ARMC3: variants seen among roughly 807,000 people sequenced by gnomAD.
ARMC3 encodes the protein armadillo repeat containing 3.
A neutral mutation model predicts 90.3 loss-of-function variants in ARMC3; 74 were observed. The ratio of observed to expected loss-of-function variants is 0.82; its 90% CI spans 0.68 to 0.99. The LOEUF (loss-of-function observed/expected upper bound fraction) is 0.99. Ranked by LOEUF, ARMC3 falls within the 50% of genes least tolerant of loss-of-function variation. The pLI, the probability that ARMC3 is intolerant of heterozygous loss-of-function variation, is 0.00. For missense variants in ARMC3, 958 were observed against 1,042.8 expected (o/e 0.92, Z 1.12); for synonymous variants, 334 against 361.8 (o/e 0.92, Z 0.87).
intron 16 of ARMC3, among the ~76,000 whole-genome samples, chr10:23,015,410 C>CA (rs989002480): frequency 6.6e-6 from 1 of 152,196 alleles, no homozygotes; most frequent in African/African-American, 2.4e-5. Flanking sequence ...TTATAGAGAA[C>CA]ATTTGAATGT....
intron 6 of ARMC3, chr10:22,960,723 A>G (rs967454644): frequency 7.2e-5 from 11 of 152,250 alleles, no homozygotes; most frequent in African/African-American, 2.4e-4. Flanking sequence ...GTAACAAAGT[A>G]CTACAAACTA....
intron 16 of ARMC3, among the ~76,000 whole-genome samples, chr10:23,019,827 A>G (rs1838436938): frequency 6.6e-6 from 1 of 152,130 alleles, no homozygotes; most frequent in Non-Finnish European, 1.5e-5. Flanking sequence ...TGACATGCGC[A>G]AGCCATCACC....
chr10:23,009,971 C>T (rs1181582985), intron 16 of ARMC3, among the ~76,000 whole-genome samples: 1 of 152,110 alleles, frequency 6.6e-6, no homozygotes, highest in East Asian at 1.9e-4. Context: ...CCCCAAGTCT[C>T]CCAAGGCGTA....
chr10:22,945,575 T>C (rs936245211), intron 2 of ARMC3, among the ~76,000 whole-genome samples: 1 of 152,120 alleles, frequency 6.6e-6, no homozygotes, highest in African/African-American at 2.4e-5. Flanking sequence ...TTTCTACTGC[T>C]TTTTTTATTG....
chr10:23,011,506 G>C (rs778913231), intron 16 of ARMC3, among the ~76,000 whole-genome samples: 2 of 152,062 alleles, frequency 1.3e-5, no homozygotes, highest in Non-Finnish European at 2.9e-5. Flanking sequence ...AAAAAGTTTC[G>C]AGGAGCCAAA....
chr10:22,970,920 G>A (rs528686027), intron 8 of ARMC3, among the ~76,000 whole-genome samples: 8 of 152,160 alleles, frequency 5.3e-5, no homozygotes, highest in African/African-American at 7.2e-5. Context: ...GAAATTTACC[G>A]TCTTCATCAT....
In ARMC3 at chr10:22,981,691, C is replaced by T; in HGVS notation, c.1166C>T (p.Ala389Val). ...GCAAACCTAACCACTTGCAACCCTG[C>T]TAATGCAAAGTAAGTTCAGAGATCC... is the stretch of plus-strand genomic sequence containing the variant. Reference protein sequence around the residue: ...ALANLTTCNPANANAAAEADG... With the variant: ...ALANLTTCNPVNANAAAEADG... Residue 389 changes from alanine (A) to valine (V), a missense_variant, in exon 10 of 19, where the codon GCT becomes GTT. By Grantham distance (64) the Ala-to-Val change is moderately conservative. Transcript: ENST00000298032. 1 of 1,613,292 alleles carries T rather than the reference C, an allele frequency of 6.2e-7. No individual in the cohort carries two copies. Among genetic ancestry groups the T allele is most frequent in the Non-Finnish European group, 8.5e-7 (1 of 1,179,540 alleles).
intron 2 of ARMC3, 55 bp from the exon 3 acceptor site, chr10:22,946,089 A>T: frequency 7.9e-7 from 1 of 1,268,104 alleles, no homozygotes; most frequent in Non-Finnish European, 1.1e-6. Context: ...ATTCATTTTT[A>T]ATGTGATTTT....
At chr10:22,983,627 T>G (rs1836285113) in intron 10 of ARMC3, among the ~76,000 whole-genome samples, 1 of 152,136 alleles carries the variant, frequency 6.6e-6, no homozygotes, top group South Asian at 2.1e-4. Flanking sequence ...CTATATAATT[T>G]TTACTTGGGA....
intron 10 of ARMC3, among the ~76,000 whole-genome samples, chr10:22,982,387 C>A (rs1310150601): frequency 6.6e-6 from 1 of 152,162 alleles, no homozygotes; most frequent in African/African-American, 2.4e-5. Context: ...TTCAAACAAA[C>A]AAACAAACAA....
intron 7 of ARMC3, among the ~76,000 whole-genome samples, chr10:22,963,412 T>C (rs1410833319): frequency 2.0e-5 from 3 of 152,106 alleles, no homozygotes; most frequent in African/African-American, 7.2e-5. Flanking sequence ...TATGTATATA[T>C]TCTAGTGGGA....
intron 16 of ARMC3, 117 bp from the exon 17 acceptor site, chr10:23,030,479 G>A: frequency 6.8e-7 from 1 of 1,463,354 alleles, no homozygotes; most frequent in South Asian, 1.4e-5. Context: ...TCAATCTCAT[G>A]TTGCTCAAGG....
At chr10:22,956,714 A>G (rs1475004326) in intron 4 of ARMC3, among the ~76,000 whole-genome samples, 2 of 148,414 alleles carry the variant, frequency 1.3e-5, no homozygotes, top group Non-Finnish European at 3.0e-5. Flanking sequence ...AATAATATTA[A>G]TCATGTGTAC....
chr10:22,969,641 T>G (rs1017895737), intron 8 of ARMC3, among the ~76,000 whole-genome samples: 6 of 152,198 alleles, frequency 3.9e-5, no homozygotes, highest in Non-Finnish European at 8.8e-5. Flanking sequence ...CAAAAGTTGG[T>G]TTACCCAGTA....
intron 4 of ARMC3, among the ~76,000 whole-genome samples, chr10:22,956,809 T>TTA (rs1177700919): frequency 6.7e-6 from 1 of 148,326 alleles, no homozygotes; most frequent in African/African-American, 2.5e-5. Context: ...TAATATGTAA[T>TTA]TATATATTAT....
At chr10:23,025,446 C>T (rs147324200) in intron 16 of ARMC3, among the ~76,000 whole-genome samples, 246 of 151,958 alleles carry the variant, frequency 1.6e-3, no homozygotes, top group Non-Finnish European at 2.8e-3. Context: ...AGAAATACAA[C>T]AAGAAAATCT....
intron 1 of ARMC3, among the ~76,000 whole-genome samples, chr10:22,929,205 A>G (rs1833829581): frequency 6.6e-6 from 1 of 151,764 alleles, no homozygotes; most frequent in Non-Finnish European, 1.5e-5. Context: ...CCTGGGCAAC[A>G]GAGTGAGACT....
chr10:23,014,326 C>T, intron 16 of ARMC3: 1 of 1,378,250 alleles, frequency 7.3e-7, no homozygotes, highest in South Asian at 1.7e-5. Flanking sequence ...AATGTGCGTC[C>T]CTTCTCTCTT....
At chr10:22,962,578 C>T (rs145613701) in intron 7 of ARMC3, among the ~76,000 whole-genome samples, 31 of 152,292 alleles carry the variant, frequency 2.0e-4, no homozygotes, top group East Asian at 1.2e-3. Flanking sequence ...CTGAATGTGT[C>T]CTGTGTCTTT....
Sources: gnomAD v4.1 joint callset for allele counts (sites outside exome capture counted in the v4.1 genomes callset) on GRCh38, gnomAD v4.1.1 for gene constraint, MANE v1.5 for transcripts, NCBI Gene and HGNC (gene_info 2026-07-23, HGNC 2026-07-21) for gene names.